The following RIN2 variants were observed in gnomAD, a reference collection of about 807,000 sequenced individuals.
The protein encoded by RIN2 is RAB5 interacting protein 2.
Under a neutral mutation model 78.0 loss-of-function variants are expected in RIN2, and 36 were observed. The observed-to-expected ratio is 0.46, with a 90% CI of 0.35 to 0.61. The LOEUF (loss-of-function observed/expected upper bound fraction) is 0.61. Ranked by LOEUF, RIN2 falls within the 20% of genes least tolerant of loss-of-function variation. The pLI is 0.00. For missense variants in RIN2, 1,087 were observed against 1,159.7 expected, an observed-to-expected ratio of 0.94 and a Z score of 0.91; for synonymous variants, 466 against 466.8, an observed-to-expected ratio of 1.00 and a Z score of 0.02.
rs114394289 is a variant in RIN2, at chr20:19,985,662, A to C, written c.1763-4344A>C. Among the ~76,000 whole-genome samples, 559 of 152,318 alleles carry C rather than the reference A, an allele frequency of 3.7e-3. 5 individuals carry two copies. The highest frequency in any genetic ancestry group is 0.013 in the African/African-American group (532 of 41,558). ...TGAGGTGGGAGGATCCCTTGAGACC[A>C]GGAGTTCGAGGCCAACCTGGGCAAC... On this transcript the variant is annotated intron_variant, in intron 9 of 12. Coordinates refer to ENST00000255006, the MANE Select transcript of RIN2 (RefSeq NM_018993.4).
chr20:19,914,493 C>T lies in RIN2; in HGVS notation c.58-20606C>T, dbSNP rs746106647. Among the ~76,000 whole-genome samples, 5 of 152,144 alleles carry T rather than the reference C, an allele frequency of 3.3e-5. No individual in the cohort carries two copies. In the South Asian group the frequency reaches 6.2e-4, roughly 19 times the overall value. ...ATTTGCATTAAACAGTTGCTGCTCT[C>T]GTGTTTGAAGCTGGGCAGCTGAATT... On this transcript the variant is annotated intron_variant, in intron 3 of 12. Coordinates refer to ENST00000255006, the MANE Select transcript of RIN2 (RefSeq NM_018993.4).
intron 3 of RIN2, among the ~76,000 whole-genome samples, chr20:19,907,995 A>G (rs2039292111): frequency 6.6e-6 from 1 of 152,198 alleles, no homozygotes; most frequent in Non-Finnish European, 1.5e-5. Context: ...CCCCTCCTTA[A>G]GGGGCAGCTG....
intron 2 of RIN2, among the ~76,000 whole-genome samples, chr20:19,885,690 C>CAA (rs578245984): frequency 7.5e-6 from 1 of 132,608 alleles, no homozygotes; most frequent in Admixed American, 7.6e-5. Context: ...AGCAAACAAA[C>CAA]AAAAAAAAAA....
Position 19,961,413 on chromosome 20 carries a change from G to C in RIN2, c.463+602G>C, listed in dbSNP as rs2041742862. 2.0e-5 allele frequency among the ~76,000 whole-genome samples: 3 copies of C among 152,258 alleles called. No homozygotes were observed. The South Asian group carries it at 6.2e-4, about 32-fold the overall frequency. ...CATTGGAAATGTGAAGTGTCGGGAG[G>C]CCAAATTTTAAATAAAAAAGGGAAC... On this transcript the variant is annotated intron_variant, in intron 6 of 12. Transcript: ENST00000255006.
Position 19,964,963 on chromosome 20 carries a change from G to A in RIN2, c.475G>A (p.Glu159Lys). ...IKESTYTFSL[E>K]GSGISFADLF... ...AATCTCTTTTCCAGCCTTTTCCCTG[G>A]AAGGCTCAGGAATCAGTTTCGCAGA... Residue 159 changes from glutamate to lysine, a missense_variant, in exon 7 of 13, where the codon GAA (glutamate) becomes AAA (lysine). Physicochemically the swap from Glu to Lys is moderately conservative, Grantham distance 56. Coordinates refer to ENST00000255006, the MANE Select transcript of RIN2 (RefSeq NM_018993.4). The A allele has an allele frequency of 1.2e-6, 2 of 1,613,510 alleles. No homozygotes were observed. The highest frequency in any genetic ancestry group is 2.2e-5 in the East Asian group (1 of 44,886).
intron 2 of RIN2, among the ~76,000 whole-genome samples, chr20:19,870,746 G>T (rs1411095519): frequency 6.6e-6 from 1 of 152,228 alleles, no homozygotes; most frequent in African/African-American, 2.4e-5. Context: ...ATGATGGGAT[G>T]TCCCTCAGTT....
At chr20:19,806,422 G>A (rs62203179) in intron 2 of RIN2, among the ~76,000 whole-genome samples, 22,423 of 152,048 alleles carry the variant, frequency 0.15, 2,141 homozygotes, top group African/African-American at 0.28. Context: ...TCTAACTGGC[G>A]TGAGATGGAC....
At chr20:19,931,114 C>T (rs143660931) in intron 3 of RIN2, among the ~76,000 whole-genome samples, 1 of 152,172 alleles carries the variant, frequency 6.6e-6, no homozygotes, top group East Asian at 1.9e-4. Context: ...AAATCTCACA[C>T]GTGACCGAGC....
At chr20:19,912,582 G>A (rs2039522785) in intron 3 of RIN2, among the ~76,000 whole-genome samples, 1 of 142,744 alleles carries the variant, frequency 7.0e-6, no homozygotes, top group Non-Finnish European at 1.5e-5. Flanking sequence ...GAGTTCAAAC[G>A]ATTCCACTGT....
At chr20:19,887,485 C>T (rs2038249907) in intron 2 of RIN2, among the ~76,000 whole-genome samples, 1 of 152,156 alleles carries the variant, frequency 6.6e-6, no homozygotes, top group Non-Finnish European at 1.5e-5. Flanking sequence ...CTTGGAGCAG[C>T]TTATGAAGGA....
At chr20:19,951,198 T>C (rs80110812) in intron 4 of RIN2, among the ~76,000 whole-genome samples, 3,015 of 152,264 alleles carry the variant, frequency 0.02, 92 homozygotes, top group South Asian at 0.15. Flanking sequence ...TAGATCTTTT[T>C]ATACTGATGC....
rs768360775 is a variant in RIN2 at position 19,975,463 on chromosome 20, A to G, written c.1438A>G (p.Lys480Glu). The change falls in exon 9 of 13, where the codon AAA (lysine) becomes GAA (glutamate). Residue 480 changes from lysine (K) to glutamate (E), a missense_variant. Lys to Glu is a moderately conservative substitution (Grantham distance 56). Coordinates refer to ENST00000255006, the MANE Select transcript of RIN2 (RefSeq NM_018993.4). This position sits in a 1 kb window ranked among gnomAD's most constrained non-coding sequence, Gnocchi z 4.9. ...GACCATGGCGCCCCCCATCAAGTCC[A>G]AAAAGAAAAGGAGCAGCTCCTTCGT... ...QETMAPPIKS[K>E]KKRSSSFVLP... 1.9e-6 allele frequency: 3 copies of G among 1,613,952 alleles called. No individual in the cohort carries two copies. The highest frequency in any genetic ancestry group is 1.7e-5 in the Admixed American group (1 of 60,008).
intron 2 of RIN2, among the ~76,000 whole-genome samples, chr20:19,869,081 CAAAAAAAA>C (rs11413677): frequency 1.3e-5 from 1 of 76,316 alleles, no homozygotes; most frequent in African/African-American, 5.4e-5. Flanking sequence ...GACTCCGTCT[CAAAAAAAA>C]AAAAAAAAAA....
At chr20:19,894,352 A>G (rs1483348002) in intron 3 of RIN2, among the ~76,000 whole-genome samples, 1 of 151,952 alleles carries the variant, frequency 6.6e-6, no homozygotes, top group Non-Finnish European at 1.5e-5. Context: ...CACTCTCCCT[A>G]CCATCCAGGC....
intron 3 of RIN2, among the ~76,000 whole-genome samples, chr20:19,911,449 C>T (rs2039462748): frequency 6.6e-6 from 1 of 152,188 alleles, no homozygotes; most frequent in Non-Finnish European, 1.5e-5. Context: ...ACATTGGAGA[C>T]ACACCTGCGA....
At chr20:19,982,491 C>T (rs1655522669) in intron 9 of RIN2, among the ~76,000 whole-genome samples, 1 of 152,180 alleles carries the variant, frequency 6.6e-6, no homozygotes, top group Non-Finnish European at 1.5e-5. Context: ...GCTCTGCTCA[C>T]ATAAGATAGA....
chr20:19,783,319 T>C (rs1178613413), intron 1 of RIN2, among the ~76,000 whole-genome samples: 3 of 152,236 alleles, frequency 2.0e-5, no homozygotes, highest in Non-Finnish European at 4.4e-5. Context: ...TGTCATGGAC[T>C]GTAGATGGCC....
At chr20:19,890,946 T>C (rs1186057578) in intron 3 of RIN2, among the ~76,000 whole-genome samples, 1 of 152,202 alleles carries the variant, frequency 6.6e-6, no homozygotes, top group Non-Finnish European at 1.5e-5. Flanking sequence ...GACTAGTATA[T>C]TGAAGTGGCT....
At chr20:19,870,258 A>G (rs1275219000) in intron 2 of RIN2, among the ~76,000 whole-genome samples, 1 of 152,150 alleles carries the variant, frequency 6.6e-6, no homozygotes. Context: ...TTTCCCAATA[A>G]TGTCCTGTAT....
Sources: gnomAD v4.1 joint callset for allele counts (sites outside exome capture counted in the v4.1 genomes callset) on GRCh38, gnomAD v4.1.1 for gene constraint, Gnocchi (gnomAD v3.1) non-coding constraint, MANE v1.5 for transcripts, NCBI Gene and HGNC (gene_info 2026-07-23, HGNC 2026-07-21) for gene names.